The following RPTOR variants were observed in gnomAD, a reference collection of about 807,000 sequenced individuals.
RPTOR encodes the protein regulatory associated protein of MTOR complex 1, also known as regulatory-associated protein of mTOR.
Under a neutral mutation model 169.9 loss-of-function variants are expected in RPTOR, and 21 were observed. The observed-to-expected ratio is 0.12, with a 90% confidence interval of 0.09 to 0.18. RPTOR has a LOEUF of 0.18. Ranked by LOEUF, RPTOR falls within the 10% of genes least tolerant of loss-of-function variation. The probability of loss-of-function intolerance (pLI) is 1.00; values close to 1 mark genes in which losing one functional copy is unlikely to be tolerated. For synonymous variants in RPTOR, 732 were observed against 753.2 expected (o/e 0.97, Z 0.46); for missense variants, 1,133 against 1,855.9 (o/e 0.61, Z 7.16).
At position 80,960,537 on chromosome 17, in the gene RPTOR, C is replaced by A. The variant is rs1309149838; in HGVS notation, c.3605+332C>A. Among the ~76,000 whole-genome samples, 1 of 152,252 alleles carries A rather than the reference C, an allele frequency of 6.6e-6. No homozygotes were observed. The highest frequency in any genetic ancestry group is 2.1e-4 in the South Asian group (1 of 4,830). ...GGCCGCAGCCAGGCACCTGCCACCT[C>A]TGAGCTCACCTGAACAGAATACTGC... On this transcript the variant is annotated intron_variant, in intron 30 of 33. Coordinates refer to ENST00000306801, the MANE Select transcript of RPTOR (RefSeq NM_020761.3). This position sits in a 1 kb window ranked among gnomAD's most constrained non-coding sequence, Gnocchi z 4.8.
intron 17 of RPTOR, among the ~76,000 whole-genome samples, chr17:80,889,109 C>G (rs879765802): frequency 6.6e-6 from 1 of 152,206 alleles, no homozygotes; most frequent in Non-Finnish European, 1.5e-5. Context: ...GCTGCAGGGA[C>G]GGCGCAGGAG....
chr17:80,710,704 G>A (rs1295543545), intron 4 of RPTOR, among the ~76,000 whole-genome samples: 1 of 151,018 alleles, frequency 6.6e-6, no homozygotes, highest in African/African-American at 2.4e-5. Flanking sequence ...TTTCTTTTTG[G>A]ATTAACCTGT....
At chr17:80,953,668 G>A (rs1248657526) in intron 28 of RPTOR, among the ~76,000 whole-genome samples, 1 of 152,242 alleles carries the variant, frequency 6.6e-6, no homozygotes, top group African/African-American at 2.4e-5. Context: ...CCAAGAGCAT[G>A]TCCGGGTGGG....
intron 3 of RPTOR, among the ~76,000 whole-genome samples, chr17:80,675,596 T>G (rs2065855777): frequency 1.3e-5 from 2 of 152,162 alleles, no homozygotes; most frequent in Admixed American, 6.5e-5. Flanking sequence ...GGGCGTTGCC[T>G]CCTGCCCCTC....
At chr17:80,809,998 A>C (rs578085894) in intron 7 of RPTOR, among the ~76,000 whole-genome samples, 1 of 152,208 alleles carries the variant, frequency 6.6e-6, no homozygotes, top group East Asian at 1.9e-4. Context: ...CAGTGAGCTG[A>C]GATCGTGACA....
intron 3 of RPTOR, among the ~76,000 whole-genome samples, chr17:80,691,787 G>C (rs771879239): frequency 6.6e-5 from 10 of 152,288 alleles, no homozygotes; most frequent in Non-Finnish European, 1.3e-4. Context: ...ATTGACCCTT[G>C]TTCAGCCCCC....
intron 3 of RPTOR, among the ~76,000 whole-genome samples, chr17:80,648,916 CT>C (rs1370611479): frequency 5.9e-5 from 9 of 152,306 alleles, no homozygotes; most frequent in African/African-American, 2.2e-4. Context: ...TCTCTCTTGC[CT>C]GCCACCATCC....
intron 21 of RPTOR, among the ~76,000 whole-genome samples, chr17:80,918,469 C>CATAGCCACGAGCACCCTCACG (rs1567986109): frequency 5.5e-5 from 1 of 18,292 alleles, no homozygotes; most frequent in African/African-American, 2.0e-4. Flanking sequence ...GCACCCTCGC[C>CATAGCCACGAGCACCCTCACG]GGAGTCATAG....
At chr17:80,838,893 G>C (rs1324617282) in intron 10 of RPTOR, among the ~76,000 whole-genome samples, 1 of 152,212 alleles carries the variant, frequency 6.6e-6, no homozygotes, top group Non-Finnish European at 1.5e-5. Flanking sequence ...GGTGCTGGAA[G>C]GACAAAGGGA....
rs549633788 is a variant in RPTOR at position 80,587,122 on chromosome 17, ACCGGCCCGGCGCAGCCCCGCTCGCC to A, written c.163-38566_163-38542del. On this transcript the variant is annotated intron_variant, in intron 1 of 33. Coordinates refer to ENST00000306801, the MANE Select transcript of RPTOR (RefSeq NM_020761.3). ...TTGTCGGGTGCAGACGGGGCGCCTC[ACCGGCCCGGCGCAGCCCCGCTCGCC>A]CCTCTGGCCTCCCCCGCAGTTCCCC... 3.6e-3 allele frequency among the ~76,000 whole-genome samples: 550 copies of A among 152,262 alleles called. 3 individuals carry two copies. The highest frequency in any genetic ancestry group is 0.013 in the African/African-American group (532 of 41,552).
rs2068148926 is a variant in RPTOR at position 80,878,571 on chromosome 17, C to A, written c.1510-1844C>A. Among the ~76,000 whole-genome samples the A allele has an allele frequency of 6.6e-6, 1 of 152,126 alleles. No homozygotes were observed. Among genetic ancestry groups the A allele is most frequent in the Non-Finnish European group, 1.5e-5 (1 of 68,014 alleles). On this transcript the variant is annotated intron_variant, in intron 13 of 33. Transcript: ENST00000306801. The surrounding 1 kb of genome is among the most constrained non-coding windows in gnomAD (Gnocchi z 4.1). The stretch of plus-strand genomic sequence containing the variant: ...CCATATTGGCCAGGCTGGTCTCGAA[C>A]TCCTGACCTTGTGACCCGCCTGTCT...
At chr17:80,914,651 T>C (rs2143950998) in intron 21 of RPTOR, among the ~76,000 whole-genome samples, 1 of 152,268 alleles carries the variant, frequency 6.6e-6, no homozygotes, top group South Asian at 2.1e-4. Flanking sequence ...GTGCACACGC[T>C]CGGGGCAGTG....
intron 3 of RPTOR, among the ~76,000 whole-genome samples, chr17:80,676,796 T>C (rs563407757): frequency 1.3e-5 from 2 of 152,316 alleles, no homozygotes; most frequent in African/African-American, 4.8e-5. Flanking sequence ...TCCCTGTGTA[T>C]TTCATGGAGA....
At chr17:80,729,439 G>A (rs1237306717) in intron 4 of RPTOR, among the ~76,000 whole-genome samples, 2 of 152,152 alleles carry the variant, frequency 1.3e-5, no homozygotes, top group Non-Finnish European at 2.9e-5. Flanking sequence ...CGTTCGGATT[G>A]TAAGTGTTTC....
intron 2 of RPTOR, among the ~76,000 whole-genome samples, chr17:80,636,443 T>C (rs185173091): frequency 6.6e-6 from 1 of 152,292 alleles, no homozygotes; most frequent in African/African-American, 2.4e-5. Context: ...CTGAGGAGTC[T>C]AAGATAAAGG....
At chr17:80,910,737 A>G (rs895287725) in intron 21 of RPTOR, among the ~76,000 whole-genome samples, 1 of 151,736 alleles carries the variant, frequency 6.6e-6, no homozygotes, top group South Asian at 2.1e-4. Context: ...TGCTGATATT[A>G]TACTTCTGTG....
At chr17:80,615,726 G>A (rs376104403) in intron 1 of RPTOR, among the ~76,000 whole-genome samples, 5 of 151,748 alleles carry the variant, frequency 3.3e-5, no homozygotes, top group East Asian at 1.9e-4. Flanking sequence ...TTATTCCACC[G>A]TGACAGCTTC....
chr17:80,885,621 G>A (rs191589802), intron 17 of RPTOR, among the ~76,000 whole-genome samples: 2 of 152,158 alleles, frequency 1.3e-5, no homozygotes, highest in Non-Finnish European at 2.9e-5. Context: ...TTGGCTCACT[G>A]CAAGCTCCGC....
At chr17:80,595,948 C>T (rs2065141747) in intron 1 of RPTOR, among the ~76,000 whole-genome samples, 1 of 152,170 alleles carries the variant, frequency 6.6e-6, no homozygotes, top group South Asian at 2.1e-4. Flanking sequence ...CTAAATGGAC[C>T]TATACAAGTT....
Sources: gnomAD v4.1 joint callset for allele counts (sites outside exome capture counted in the v4.1 genomes callset) on GRCh38, gnomAD v4.1.1 for gene constraint, Gnocchi (gnomAD v3.1) non-coding constraint, MANE v1.5 for transcripts, NCBI Gene and HGNC (gene_info 2026-07-23, HGNC 2026-07-21) for gene names.